The following PLXNA4 variants were observed in gnomAD, a reference collection of about 807,000 sequenced individuals.
The protein encoded by PLXNA4 is plexin A4, also known as plexin-A4.
Under a neutral mutation model 191.8 loss-of-function variants are expected in PLXNA4, and 44 were observed. That is an observed-to-expected ratio of 0.23 (90% CI 0.18 to 0.29). The LOEUF (loss-of-function observed/expected upper bound fraction) is 0.29. Among genes scored for constraint, PLXNA4 ranks in the 10% least tolerant of loss-of-function variants. The probability of loss-of-function intolerance (pLI) is 1.00; values close to 1 mark genes in which losing one functional copy is unlikely to be tolerated. For missense variants in PLXNA4, 1,800 were observed against 2,488.8 expected (o/e 0.72, Z 5.89); for synonymous variants, 1,082 against 1,009.5 (o/e 1.07, Z -1.36).
At chr7:132,567,790 C>T (rs1175069078) in intron 1 of PLXNA4, among the ~76,000 whole-genome samples, 1 of 152,174 alleles carries the variant, frequency 6.6e-6, no homozygotes, top group Non-Finnish European at 1.5e-5. Flanking sequence ...GCAGCTTCTT[C>T]ACCATTATTA....
chr7:132,478,126 A>G (rs1037094598), intron 3 of PLXNA4, among the ~76,000 whole-genome samples: 15 of 152,156 alleles, frequency 9.9e-5, no homozygotes, highest in African/African-American at 3.4e-4. Context: ...GCTCTACTTA[A>G]GGTCAACATT....
intron 14 of PLXNA4, 68 bp downstream of exon 14, chr7:132,193,994 G>A: frequency 6.4e-7 from 1 of 1,557,466 alleles, no homozygotes; most frequent in African/African-American, 1.3e-5. Context: ...GCTCTAGAGG[G>A]GCCCAGCAAT....
intron 1 of PLXNA4, among the ~76,000 whole-genome samples, chr7:132,537,814 G>T (rs115770478): frequency 0.016 from 2,436 of 152,314 alleles, 75 homozygotes; most frequent in African/African-American, 0.055. Flanking sequence ...TCTTTATCTA[G>T]ATCAAGCCCT....
rs548538903 is a variant in PLXNA4 at position 132,372,956 on chromosome 7, A to G, written c.1372-74734T>C. Among the ~76,000 whole-genome samples, 4 of 152,350 alleles carry G rather than the reference A, an allele frequency of 2.6e-5. No individual in the cohort carries two copies. In the East Asian group the frequency reaches 7.7e-4, roughly 29 times the overall value. On this transcript the variant is annotated intron_variant, in intron 3 of 31. Transcript: ENST00000321063. ...CATTTCTCCAGCATTTATTAACAAA[A>G]CCATAAAATAATTTAATGCTATGCC...
chr7:132,494,367 C>T (rs1316842830), intron 2 of PLXNA4, among the ~76,000 whole-genome samples: 1 of 152,192 alleles, frequency 6.6e-6, no homozygotes, highest in African/African-American at 2.4e-5. Context: ...TGGGTGGGGG[C>T]TCAGACATCT....
intron 24 of PLXNA4, among the ~76,000 whole-genome samples, chr7:132,159,985 T>TGCAC (rs1562889284): frequency 6.6e-6 from 1 of 152,202 alleles, no homozygotes; most frequent in African/African-American, 2.4e-5. Context: ...AGTGCATGCA[T>TGCAC]GCACACGTGC....
intron 1 of PLXNA4, among the ~76,000 whole-genome samples, chr7:132,534,897 G>T (rs1799769750): frequency 2.6e-5 from 4 of 152,186 alleles, no homozygotes; most frequent in Admixed American, 2.6e-4. Context: ...TATTTAGCAA[G>T]ATATGACAGT....
intron 2 of PLXNA4, among the ~76,000 whole-genome samples, chr7:132,496,220 A>G (rs111294561): frequency 0.02 from 3,032 of 149,508 alleles, 38 homozygotes; most frequent in South Asian, 0.03. Flanking sequence ...TCTTTCACAC[A>G]TCATATTTCA....
At chr7:132,641,944 C>A (rs773735382) in intron 2 of PLXNA4, among the ~76,000 whole-genome samples, 8 of 152,064 alleles carry the variant, frequency 5.3e-5, no homozygotes, top group Non-Finnish European at 1.0e-4. Context: ...ATCCCCCTTT[C>A]AGAAATGTTA....
chr7:132,509,763 T>C (rs1009193163), intron 1 of PLXNA4, among the ~76,000 whole-genome samples: 1 of 152,182 alleles, frequency 6.6e-6, no homozygotes, highest in Admixed American at 6.5e-5. Flanking sequence ...CTGTACCTAC[T>C]ACTGCAGGAG....
chr7:132,232,729 T>C (rs889281081), intron 5 of PLXNA4, among the ~76,000 whole-genome samples: 1 of 151,990 alleles, frequency 6.6e-6, no homozygotes, highest in African/African-American at 2.4e-5. Context: ...AGTGGAAAAT[T>C]AGAAGGGAGA....
chr7:132,540,569 C>CTTTTTTTTTTTT lies in PLXNA4; in HGVS notation c.-86-31802_-86-31791dup, dbSNP rs71915138. On this transcript the variant is annotated intron_variant, in intron 1 of 31. Coordinates refer to ENST00000321063, the MANE Select transcript of PLXNA4 (RefSeq NM_020911.2). Reference sequence around the variant, plus strand: ...AGCAGAAGGTGTAGTGTGGACCGTTCTTTTTTTTTTTTTTTTTTTTTTTTT... The same window carrying CTTTTTTTTTTTT: ...AGCAGAAGGTGTAGTGTGGACCGTTCTTTTTTTTTTTTTTTTTTTTTTTTTTTTTTTTTTTTT... 1.3e-3 allele frequency among the ~76,000 whole-genome samples: 78 copies of CTTTTTTTTTTTT among 61,006 alleles called. 19 individuals carry two copies. The highest frequency in any genetic ancestry group is 3.1e-3 in the South Asian group (3 of 954). 40.0% of individuals were successfully genotyped at this position (61,006 alleles called of 152,430 possible). A position where few individuals can be genotyped will look rare whatever the true frequency, so the allele number is the denominator to read the frequency against.
At chr7:132,483,945 A>G (rs1797442785) in intron 3 of PLXNA4, among the ~76,000 whole-genome samples, 1 of 152,230 alleles carries the variant, frequency 6.6e-6, no homozygotes, top group Admixed American at 6.5e-5. Context: ...GGGTTTATTC[A>G]GGTCAGCAAG....
chr7:132,165,067 C>A (rs938043614), intron 23 of PLXNA4, 67 bp downstream of exon 23: 4 of 1,573,936 alleles, frequency 2.5e-6, no homozygotes, highest in South Asian at 1.2e-5. Flanking sequence ...GGGTGTGGAG[C>A]GATCCCCAGT....
chr7:132,511,274 T>C (rs1798704943), intron 1 of PLXNA4, among the ~76,000 whole-genome samples: 1 of 152,172 alleles, frequency 6.6e-6, no homozygotes, highest in Non-Finnish European at 1.5e-5. Context: ...TTCCCTGGGA[T>C]CAGAATTGTC....
intron 1 of PLXNA4, among the ~76,000 whole-genome samples, chr7:132,543,985 A>G (rs1385856743): frequency 6.6e-6 from 1 of 152,276 alleles, no homozygotes; most frequent in Non-Finnish European, 1.5e-5. Flanking sequence ...CACACCAACT[A>G]GAAGATGGTA....
intron 3 of PLXNA4, among the ~76,000 whole-genome samples, chr7:132,411,269 A>G (rs1479895860): frequency 6.6e-6 from 1 of 152,060 alleles, no homozygotes; most frequent in African/African-American, 2.4e-5. Context: ...TGCAGGTTAC[A>G]TTTCCCCAGA....
intron 3 of PLXNA4, among the ~76,000 whole-genome samples, chr7:132,471,124 A>T (rs1316094887): frequency 6.6e-6 from 1 of 151,846 alleles, no homozygotes; most frequent in East Asian, 1.9e-4. Context: ...TTGTTGTTTA[A>T]AGGTGTGTGG....
chr7:132,251,693 G>T (rs777457570), intron 4 of PLXNA4, among the ~76,000 whole-genome samples: 15 of 152,202 alleles, frequency 9.9e-5, no homozygotes, highest in Non-Finnish European at 2.1e-4. Context: ...GTGAATGAGT[G>T]CACAGCAGCC....
Sources: allele counts gnomAD v4.1 joint callset (sites outside exome capture counted in the v4.1 genomes callset), GRCh38; gene constraint gnomAD v4.1.1; transcripts MANE v1.5; gene names NCBI Gene and HGNC (gene_info 2026-07-23, HGNC 2026-07-21).